GTF2IRD2B: variants seen among roughly 807,000 people sequenced by gnomAD.
GTF2IRD2B encodes GTF2I repeat domain containing 2B.
In GTF2IRD2B, 10 loss-of-function variants were observed where a neutral mutation model predicts 55.6. The ratio of observed to expected loss-of-function variants is 0.18; its 90% CI spans 0.11 to 0.31. The LOEUF is 0.31. GTF2IRD2B is among the 10% of genes least tolerant of loss of function. The pLI is 1.00. For missense variants in GTF2IRD2B, 206 were observed against 802.7 expected, an observed-to-expected ratio of 0.26 and a Z score of 8.98; for synonymous variants, 107 against 320.5, an observed-to-expected ratio of 0.33 and a Z score of 7.12.
At position 75,123,177 on chromosome 7, in the gene GTF2IRD2B, G is replaced by C; in HGVS notation, c.400G>C (p.Glu134Gln). 6.5e-7 allele frequency: 1 copy of C among 1,537,792 alleles called. No homozygotes were observed. The highest frequency in any genetic ancestry group is 2.3e-5 in the East Asian group (1 of 44,066). ...GTTVMVPVPY[E>Q]KMLRDQSAVV... ...AACAGTGATGGTGCCTGTTCCCTAT[G>C]AGAAGATGCTGCGAGACCAGTCGGC... The change falls in exon 5 of 16, where the codon GAG becomes CAG. Residue 134 changes from glutamate to glutamine, a missense_variant. Physicochemically the swap from Glu to Gln is conservative, Grantham distance 29. Transcript: ENST00000472837.
chr7:75,130,580 T>C (rs1554535304), intron 8 of GTF2IRD2B, among the ~76,000 whole-genome samples: 4 of 151,954 alleles, frequency 2.6e-5, no homozygotes, highest in African/African-American at 4.9e-5. Flanking sequence ...CGGGTTCAAG[T>C]GATTCTCCTG....
Position 75,135,295 on chromosome 7 carries a change from G to A in GTF2IRD2B, c.805+238G>A, listed in dbSNP as rs199953838. On this transcript the variant is annotated intron_variant, in intron 10 of 15. Coordinates refer to ENST00000472837, the MANE Select transcript of GTF2IRD2B (RefSeq NM_001003795.3). The stretch of plus-strand genomic sequence containing the variant: ...ATTACAGGCGCGTACCACCACGCCC[G>A]GCTAATTTTTGTATTTTTAGTAGAG... Among the ~76,000 whole-genome samples, 131 of 151,040 alleles carry A rather than the reference G, an allele frequency of 8.7e-4. No homozygotes were observed. In the East Asian group the frequency reaches 0.02, roughly 23 times the overall value.
intron 1 of GTF2IRD2B, among the ~76,000 whole-genome samples, chr7:75,105,775 C>G (rs1266107922): frequency 6.6e-6 from 1 of 152,308 alleles, no homozygotes; most frequent in Non-Finnish European, 1.5e-5. Context: ...TGCTGGGTTG[C>G]AAACGACACC....
Position 75,123,915 on chromosome 7 carries a change from G to C in GTF2IRD2B, c.571+399G>C, listed in dbSNP as rs1584539321. The C allele has an allele frequency of 1.5e-5, 5 of 334,452 alleles. No homozygotes were observed. The East Asian group carries it at 3.8e-4, about 25-fold the overall frequency. The allele number at this position is 334,452 out of a possible 1,614,324, so 20.7% of individuals were successfully genotyped here. ...AAAACTTGAATTTGGGTGAGGGGAG[G>C]GAACTTAGAGGACGGGCCAATAGGT... On this transcript the variant is annotated intron_variant, in intron 6 of 15. Transcript: ENST00000472837.
chr7:75,149,515 G>A lies in GTF2IRD2B; in HGVS notation c.*218G>A. On this transcript the variant is annotated 3_prime_UTR_variant, in exon 16 of 16. Transcript: ENST00000472837. ...CCTGCCTCAGCCTCCCGAGCAGCTG[G>A]GACTACAGGCATGCGCCACCATGCC... 1 of 553,464 alleles carries A rather than the reference G, an allele frequency of 1.8e-6. No homozygotes were observed. The highest frequency in any genetic ancestry group is 3.2e-6 in the Non-Finnish European group (1 of 308,958). The allele number at this position is 553,464 out of a possible 1,614,324, so 34.3% of individuals were successfully genotyped here.
intron 6 of GTF2IRD2B, among the ~76,000 whole-genome samples, chr7:75,124,275 G>A (rs1187223661): frequency 4.6e-5 from 7 of 152,302 alleles, no homozygotes; most frequent in African/African-American, 1.7e-4. Context: ...GGCTGAGGCA[G>A]GAGAATCACT....
intron 1 of GTF2IRD2B, among the ~76,000 whole-genome samples, chr7:75,106,565 T>G (rs1338364973): frequency 8.8e-6 from 1 of 113,378 alleles, no homozygotes; most frequent in Non-Finnish European, 1.8e-5. Flanking sequence ...TTCAGAGAAT[T>G]TTTTTCAAAG....
chr7:75,103,587 C>A (rs1554421681), intron 1 of GTF2IRD2B, among the ~76,000 whole-genome samples: 1 of 151,530 alleles, frequency 6.6e-6, no homozygotes, highest in Non-Finnish European at 1.5e-5. Flanking sequence ...CAGGAAGGAA[C>A]CTCGGGACAA....
intron 4 of GTF2IRD2B, 97 bp downstream of exon 4, chr7:75,121,107 G>C: frequency 2.7e-6 from 2 of 729,654 alleles, no homozygotes; most frequent in Non-Finnish European, 4.4e-6. Flanking sequence ...TGCGATCTCG[G>C]CTCACTGCAA....
At chr7:75,136,183 T>C (rs1808829980) in intron 10 of GTF2IRD2B, among the ~76,000 whole-genome samples, 1 of 129,430 alleles carries the variant, frequency 7.7e-6, no homozygotes, top group Non-Finnish European at 1.6e-5. Flanking sequence ...AAGATTTCCT[T>C]TCCAAACCTA....
chr7:75,123,021 G>T lies in GTF2IRD2B; in HGVS notation c.359-115G>T, dbSNP rs587636075. 3.0e-4 allele frequency: 459 copies of T among 1,543,152 alleles called. 5 individuals are homozygous for T. In the East Asian group the frequency reaches 0.01, roughly 34 times the overall value. On this transcript the variant is annotated intron_variant, in intron 4 of 15. Coordinates refer to ENST00000472837, the MANE Select transcript of GTF2IRD2B (RefSeq NM_001003795.3). ...GCCGAGATCTTGCCATTGCACTCCAGCCGGGGTGGCAGAGCGAGACTCTGT... is the reference window on the plus strand; with the variant it reads ...GCCGAGATCTTGCCATTGCACTCCATCCGGGGTGGCAGAGCGAGACTCTGT...
intron 8 of GTF2IRD2B, among the ~76,000 whole-genome samples, chr7:75,132,710 T>C (rs1438323022): frequency 7.0e-6 from 1 of 143,364 alleles, no homozygotes; most frequent in East Asian, 2.0e-4. Flanking sequence ...CCGCCACCAC[T>C]CCCAGCTAAT....
chr7:75,114,094 TAGAGAGAGAG>T (rs781910109), intron 3 of GTF2IRD2B, among the ~76,000 whole-genome samples: 9 of 142,194 alleles, frequency 6.3e-5, no homozygotes, highest in Admixed American at 3.6e-4. Context: ...GATGAATGGA[TAGAGAGAGAG>T]AGAGAGAGAG....
rs587604113 is a variant in GTF2IRD2B at position 75,123,805 on chromosome 7, G to T, written c.571+289G>T. The T allele has an allele frequency of 1.9e-5, 8 of 421,368 alleles. No homozygotes were observed. The East Asian group carries it at 4.2e-4, about 22-fold the overall frequency. The allele number at this position is 421,368 out of a possible 1,614,324, so 26.1% of individuals were successfully genotyped here. ...AGGCAGGAGAATGGCGTGAACCCGG[G>T]AGGTGGAGCTTGCAGTGAGCGGAGA... On this transcript the variant is annotated intron_variant, in intron 6 of 15. Coordinates refer to ENST00000472837, the MANE Select transcript of GTF2IRD2B (RefSeq NM_001003795.3).
intron 1 of GTF2IRD2B, among the ~76,000 whole-genome samples, chr7:75,105,539 A>G (rs1807766319): frequency 1.3e-5 from 2 of 152,310 alleles, no homozygotes; most frequent in Non-Finnish European, 2.9e-5. Context: ...ATCTTTCCCT[A>G]TCCCTCCCTT....
intron 1 of GTF2IRD2B, among the ~76,000 whole-genome samples, chr7:75,104,536 G>GACA (rs1439932207): frequency 2.0e-5 from 3 of 151,120 alleles, no homozygotes; most frequent in Admixed American, 2.0e-4. Context: ...GCTTTGCTTG[G>GACA]ACAACTTGCT....
intron 1 of GTF2IRD2B, among the ~76,000 whole-genome samples, chr7:75,107,006 G>A (rs1444996349): frequency 6.6e-6 from 1 of 151,128 alleles, no homozygotes; most frequent in Admixed American, 6.6e-5. Context: ...ACAGAAGTCC[G>A]AAGGGAAGTG....
chr7:75,123,493 T>A lies in GTF2IRD2B; in HGVS notation c.548T>A (p.Phe183Tyr), dbSNP rs1447123122. 2 of 760,402 alleles carry A rather than the reference T, an allele frequency of 2.6e-6. No individual in the cohort carries two copies. Among genetic ancestry groups the A allele is most frequent in the Non-Finnish European group, 4.3e-6 (2 of 463,894 alleles). 47.1% of individuals were successfully genotyped at this position (760,402 alleles called of 1,614,324 possible). The change falls in exon 6 of 16, where the codon TTC (phenylalanine) becomes TAC (tyrosine). Residue 183 changes from phenylalanine (F) to tyrosine (Y), a missense_variant. Physicochemically the swap from Phe to Tyr is conservative, Grantham distance 22. Coordinates refer to ENST00000472837, the MANE Select transcript of GTF2IRD2B (RefSeq NM_001003795.3). ...TGGTGTTGCTTTTCTTGCAGACCCT[T>A]CCTAGGACCAGAGAGTCAGCTGGGT... is the stretch of plus-strand genomic sequence containing the variant. ...AGISFIINRP[F>Y]LGPESQLGGP... is the part of the protein sequence containing the mutation.
At chr7:75,122,055 G>A (rs1359218563) in intron 4 of GTF2IRD2B, among the ~76,000 whole-genome samples, 7 of 133,130 alleles carry the variant, frequency 5.3e-5, no homozygotes, top group South Asian at 4.9e-4. Context: ...GAGCCACCGC[G>A]CCCGGCCCAC....
Sources: allele counts gnomAD v4.1 joint callset (sites outside exome capture counted in the v4.1 genomes callset), GRCh38; gene constraint gnomAD v4.1.1; transcripts MANE v1.5; gene names NCBI Gene and HGNC (gene_info 2026-07-23, HGNC 2026-07-21).